The following DHRSX variants were observed in gnomAD, a reference collection of about 807,000 sequenced individuals.
DHRSX encodes dehydrogenase/reductase X-linked.
In DHRSX, 31 loss-of-function variants were observed where a neutral mutation model predicts 34.0. That is an observed-to-expected ratio of 0.91 (90% CI 0.69 to 1.23). DHRSX has a LOEUF of 1.23. Ranked by LOEUF, DHRSX falls within the 50% of genes most tolerant of loss-of-function variation. The pLI is 0.00. For synonymous variants in DHRSX, 201 were observed against 183.8 expected, an observed-to-expected ratio of 1.09 and a Z score of -0.76; for missense variants, 414 against 428.1, an observed-to-expected ratio of 0.97 and a Z score of 0.29.
At chrX:2,254,587 T>A (rs1385838203) in intron 5 of DHRSX, among the ~76,000 whole-genome samples, 2 of 152,184 alleles carry the variant, frequency 1.3e-5, no homozygotes, top group Non-Finnish European at 2.9e-5. Flanking sequence ...CATTTAATAT[T>A]CTTGATAACG....
chrX:2,360,655 AG>A (rs1285125940), intron 3 of DHRSX, among the ~76,000 whole-genome samples: 1 of 152,008 alleles, frequency 6.6e-6, no homozygotes, highest in Non-Finnish European at 1.5e-5. Flanking sequence ...GAATGACTGA[AG>A]GGTTATTAAT....
intron 1 of DHRSX, among the ~76,000 whole-genome samples, chrX:2,438,306 T>TACACACACACACACAC (rs113154779): frequency 7.4e-5 from 11 of 149,544 alleles, no homozygotes; most frequent in East Asian, 6.0e-4. Flanking sequence ...ACAGAATGCA[T>TACACACACACACACAC]ACACACACAC....
chrX:2,282,629 G>C (rs930697901), intron 4 of DHRSX, among the ~76,000 whole-genome samples: 1 of 61,194 alleles, frequency 1.6e-5, no homozygotes, highest in African/African-American at 5.1e-5. Flanking sequence ...AGGGAGAGAA[G>C]AAGGGAAAGG....
At chrX:2,444,835 C>CAA (rs71309499) in intron 1 of DHRSX, among the ~76,000 whole-genome samples, 45 of 146,616 alleles carry the variant, frequency 3.1e-4, no homozygotes, top group East Asian at 1.0e-3. Context: ...ACCCAGTCTC[C>CAA]AAAAAAAAAA....
intron 3 of DHRSX, among the ~76,000 whole-genome samples, chrX:2,366,328 C>T (rs1302210122): frequency 6.6e-6 from 1 of 151,822 alleles, no homozygotes; most frequent in African/African-American, 2.4e-5. Context: ...GTAATCCCAG[C>T]TACTCGGGAG....
At chrX:2,224,763 CAT>C (rs1215409616) in intron 6 of DHRSX, among the ~76,000 whole-genome samples, 1 of 152,038 alleles carries the variant, frequency 6.6e-6, no homozygotes, top group East Asian at 1.9e-4. Context: ...CTTGCACATG[CAT>C]ACTCACACTC....
At chrX:2,475,442 G>A (rs1371795127) in intron 1 of DHRSX, among the ~76,000 whole-genome samples, 1 of 150,590 alleles carries the variant, frequency 6.6e-6, no homozygotes, top group Non-Finnish European at 1.5e-5. Flanking sequence ...CCCTAAGCAT[G>A]TGGCACAAGG....
intron 1 of DHRSX, among the ~76,000 whole-genome samples, chrX:2,496,175 T>A (rs2045279474): frequency 6.6e-6 from 1 of 151,426 alleles, no homozygotes; most frequent in African/African-American, 2.4e-5. Context: ...CTAAAAGAGG[T>A]TTTTATTTTT....
At chrX:2,464,755 T>C (rs1396503042) in intron 1 of DHRSX, among the ~76,000 whole-genome samples, 3 of 149,980 alleles carry the variant, frequency 2.0e-5, no homozygotes, top group African/African-American at 7.4e-5. Flanking sequence ...TTATACACAC[T>C]GAAGACGTTC....
At chrX:2,333,181 T>C (rs763749362) in intron 3 of DHRSX, among the ~76,000 whole-genome samples, 2 of 152,358 alleles carry the variant, frequency 1.3e-5, no homozygotes, top group South Asian at 4.1e-4. Context: ...AAAAGTGTGA[T>C]GCATTTTATT....
intron 3 of DHRSX, among the ~76,000 whole-genome samples, chrX:2,319,542 CAA>C (rs776261461): frequency 2.8e-5 from 3 of 107,342 alleles, no homozygotes; most frequent in Admixed American, 1.0e-4. Flanking sequence ...GACTCCATCT[CAA>C]AAAAAAAAAA....
rs774135614 is a variant in DHRSX at position 2,266,562 on chromosome X, G to C, written c.596+178C>G. Among the ~76,000 whole-genome samples the C allele has an allele frequency of 1.7e-3, 231 of 132,892 alleles. 1 individual carries two copies. The highest frequency in any genetic ancestry group is 6.3e-3 in the African/African-American group (219 of 34,992). 87.2% of individuals were successfully genotyped at this position (132,892 alleles called of 152,430 possible). On this transcript the variant is annotated intron_variant, in intron 5 of 6. Transcript: ENST00000334651. ...CACTGTCCCCAGAGCACCAGTGTCC[G>C]GCAGATGCAGGGAGCACTGTCCCCA...
At chrX:2,404,431 A>G (rs760291202) in intron 3 of DHRSX, among the ~76,000 whole-genome samples, 1 of 152,330 alleles carries the variant, frequency 6.6e-6, no homozygotes, top group South Asian at 2.1e-4. Context: ...AAATTTAAAA[A>G]TGTATAAGCA....
intron 1 of DHRSX, among the ~76,000 whole-genome samples, chrX:2,469,466 C>G (rs2044555300): frequency 6.6e-6 from 1 of 151,784 alleles, no homozygotes; most frequent in African/African-American, 2.4e-5. Context: ...GGGACCGCCA[C>G]CCTATACACA....
intron 1 of DHRSX, among the ~76,000 whole-genome samples, chrX:2,440,277 T>G (rs1378647705): frequency 6.7e-6 from 1 of 149,158 alleles, no homozygotes; most frequent in Non-Finnish European, 1.5e-5. Context: ...CATGGCTCAC[T>G]GCAGCCTCAA....
chrX:2,323,471 T>C (rs2042337787), intron 3 of DHRSX, among the ~76,000 whole-genome samples: 1 of 151,936 alleles, frequency 6.6e-6, no homozygotes, highest in Non-Finnish European at 1.5e-5. Flanking sequence ...CCAGAATAGA[T>C]ATGTTTTTTG....
At chrX:2,483,789 CAAAAAAAA>C (rs111577835) in intron 1 of DHRSX, among the ~76,000 whole-genome samples, 2,093 of 110,408 alleles carry the variant, frequency 0.019, 28 homozygotes, top group Non-Finnish European at 0.034. Flanking sequence ...GAAAAAGTGG[CAAAAAAAA>C]AAAAAAAAAA....
chrX:2,314,463 A>G (rs867622153), intron 3 of DHRSX, among the ~76,000 whole-genome samples: 5 of 84,096 alleles, frequency 5.9e-5, no homozygotes, highest in Admixed American at 1.0e-4. Context: ...GGGAGGAAGG[A>G]AGGGGAGAAG....
intron 2 of DHRSX, among the ~76,000 whole-genome samples, chrX:2,422,348 C>T (rs1184021849): frequency 2.6e-5 from 4 of 151,982 alleles, no homozygotes; most frequent in East Asian, 1.9e-4. Flanking sequence ...CTGCAACCTC[C>T]GGCTCCCTGG....
Sources: allele counts gnomAD v4.1 joint callset (sites outside exome capture counted in the v4.1 genomes callset), GRCh38; gene constraint gnomAD v4.1.1; transcripts MANE v1.5; gene names NCBI Gene and HGNC (gene_info 2026-07-23, HGNC 2026-07-21).